TSPAN10: variants seen among roughly 807,000 people sequenced by gnomAD.
TSPAN10 encodes tetraspanin-10.
In TSPAN10, 11 loss-of-function variants were observed where a neutral mutation model predicts 15.0. That is an observed-to-expected ratio of 0.73 (90% confidence interval 0.46 to 1.21). The LOEUF is 1.21. TSPAN10 is among the 50% of genes most tolerant of loss of function. The probability of loss-of-function intolerance (pLI) is 0.00; values close to 1 mark genes in which losing one functional copy is unlikely to be tolerated. For synonymous variants in TSPAN10, 241 were observed against 226.2 expected, an observed-to-expected ratio of 1.07 and a Z score of -0.59; for missense variants, 486 against 470.6, an observed-to-expected ratio of 1.03 and a Z score of -0.30.
chr17:81,642,559 C>A, intron 1 of TSPAN10, 111 bp downstream of exon 2: 1 of 1,102,846 alleles, frequency 9.1e-7, no homozygotes, highest in East Asian at 2.4e-5. Context: ...TGGTGCCACC[C>A]CACACCTCAA....
chr17:81,645,646 G>A lies in TSPAN10; in HGVS notation c.674+17G>A, dbSNP rs771460447. On this transcript the variant is annotated intron_variant, in intron 2 of 2. Coordinates refer to ENST00000611590, the Ensembl canonical transcript of TSPAN10. ...GCAGAACCTGTGAGTCTTGGAGTGG[G>A]CGAGGGACAGGGCCACCACAGGGTC... The A allele has an allele frequency of 6.2e-7, 1 of 1,610,242 alleles. No homozygotes were observed. The highest frequency in any genetic ancestry group is 2.2e-5 in the East Asian group (1 of 44,880).
At chr17:81,647,264 G>A (rs2036267763) in intron 2 of TSPAN10, among the ~76,000 whole-genome samples, 1 of 152,154 alleles carries the variant, frequency 6.6e-6, no homozygotes, top group African/African-American at 2.4e-5. Context: ...CCCTGCCTAA[G>A]TGGGGCATAC....
chr17:81,642,167 TG>T, upstream of TSPAN10: 1 of 502,368 alleles, frequency 2.0e-6, no homozygotes, highest in Non-Finnish European at 3.6e-6. Flanking sequence ...GAGCCAGGGC[TG>T]GGGAGAAATA....
downstream of TSPAN10, chr17:81,648,460 C>A: frequency 1.5e-6 from 1 of 666,428 alleles, no homozygotes; most frequent in Non-Finnish European, 2.0e-6. Flanking sequence ...GCTCCGCGTC[C>A]CCCATGCCAG....
At chr17:81,643,578 T>C (rs1439184982) in intron 1 of TSPAN10, among the ~76,000 whole-genome samples, 1 of 32,848 alleles carries the variant, frequency 3.0e-5, no homozygotes, top group Non-Finnish European at 4.3e-5. Flanking sequence ...GCCACTGCAC[T>C]CCAGCCTGGG....
upstream of TSPAN10, among the ~76,000 whole-genome samples, chr17:81,641,809 C>T (rs1246018321): frequency 5.6e-5 from 6 of 108,010 alleles, no homozygotes; most frequent in African/African-American, 2.1e-4. Flanking sequence ...TCCCGGGAGG[C>T]GAGGTTGCAG....
chr17:81,637,518 G>A, upstream of TSPAN10: 5 of 631,856 alleles, frequency 7.9e-6, no homozygotes, highest in South Asian at 1.7e-5. Context: ...TGCATTTCAG[G>A]CCGGGCGCGG....
At chr17:81,638,455 T>C (rs1382179510), upstream of TSPAN10, 1 of 152,144 alleles carries the variant, frequency 6.6e-6, no homozygotes, top group East Asian at 1.9e-4. Context: ...CACACTACCA[T>C]GCCTGGCTAA....
At chr17:81,644,929 C>G in intron 1 of TSPAN10, 63 bp from the exon 3 acceptor site, 5 of 1,594,204 alleles carry the variant, frequency 3.1e-6, no homozygotes, top group Non-Finnish European at 4.3e-6. Flanking sequence ...TTCCCTGACC[C>G]CTCACCAGTT....
chr17:81,641,612 A>G (rs1187812317), upstream of TSPAN10, among the ~76,000 whole-genome samples: 4 of 108,024 alleles, frequency 3.7e-5, no homozygotes, highest in African/African-American at 1.7e-4. Context: ...ACCTCTTTGG[A>G]CTGCTGAGTG....
upstream of TSPAN10, chr17:81,637,742 T>A: frequency 5.4e-6 from 1 of 185,228 alleles, no homozygotes; most frequent in Non-Finnish European, 1.1e-5. Context: ...AAGACCAGCC[T>A]GACCAACGTG....
chr17:81,646,710 A>T, intron 2 of TSPAN10: 1 of 150,264 alleles, frequency 6.7e-6, no homozygotes, highest in South Asian at 2.1e-4. Flanking sequence ...AATGACTTTT[A>T]GGTGAATTCA....
upstream of TSPAN10, among the ~76,000 whole-genome samples, chr17:81,640,571 C>A (rs990633073): frequency 2.0e-5 from 3 of 152,124 alleles, no homozygotes; most frequent in African/African-American, 4.8e-5. Flanking sequence ...GCCTCAGCCT[C>A]CCATGTAGCT....
chr17:81,643,073 C>T (rs994476577), intron 1 of TSPAN10, among the ~76,000 whole-genome samples: 4 of 150,188 alleles, frequency 2.7e-5, no homozygotes, highest in African/African-American at 7.3e-5. Flanking sequence ...GGCACAACCT[C>T]GGCTCACTGC....
At chr17:81,645,623 A>G in exon 2 of TSPAN10, 1 of 1,612,174 alleles carries the variant, frequency 6.2e-7, no homozygotes, top group Non-Finnish European at 8.5e-7. Flanking sequence ...GACTGGCAGC[A>G]GAACCTGTGA....
intron 1 of TSPAN10, among the ~76,000 whole-genome samples, chr17:81,644,526 C>T (rs940462440): frequency 6.6e-6 from 1 of 152,226 alleles, no homozygotes. Flanking sequence ...CCCCTCTACA[C>T]AAGTTCCATG....
At chr17:81,646,042 A>C (rs961231016) in intron 2 of TSPAN10, 7 of 301,836 alleles carry the variant, frequency 2.3e-5, no homozygotes, top group Non-Finnish European at 4.3e-5. Flanking sequence ...TCCCCCCGCC[A>C]GGGCCAGGAG....
At chr17:81,642,240 T>G, upstream of TSPAN10, 1 of 606,666 alleles carries the variant, frequency 1.6e-6, no homozygotes, top group Non-Finnish European at 2.9e-6. Flanking sequence ...GACTCAACTG[T>G]GACTCCGGCA....
upstream of TSPAN10, chr17:81,638,144 T>TGTCC (rs2036133571): frequency 6.6e-6 from 1 of 152,136 alleles, no homozygotes; most frequent in African/African-American, 2.4e-5. Flanking sequence ...CCCAACATAT[T>TGTCC]GTCCCTGCCC....
Sources: gnomAD v4.1 joint callset for allele counts (sites outside exome capture counted in the v4.1 genomes callset) on GRCh38, gnomAD v4.1.1 for gene constraint, MANE v1.5 for transcripts, NCBI Gene and HGNC (gene_info 2026-07-23, HGNC 2026-07-21) for gene names.